EGFR: variants seen among roughly 807,000 people sequenced by gnomAD.
The protein encoded by EGFR is epidermal growth factor receptor, also known as avian erythroblastic leukemia viral (v-erb-b) oncogene homolog.
EGFR carries 58 observed loss-of-function variants against 143.0 expected under a neutral mutation model. That is an observed-to-expected ratio of 0.41 (90% CI 0.33 to 0.50). The LOEUF is 0.50. EGFR is among the 20% of genes least tolerant of loss of function. The pLI, the probability that EGFR is intolerant of heterozygous loss-of-function variation, is 0.39. For synonymous variants in EGFR, 613 were observed against 594.4 expected (o/e 1.03, Z -0.45); for missense variants, 1,307 against 1,579.0 (o/e 0.83, Z 2.92).
At chr7:55,167,799 CA>C (rs1364715658) in intron 15 of EGFR, among the ~76,000 whole-genome samples, 1 of 152,076 alleles carries the variant, frequency 6.6e-6, no homozygotes, top group African/African-American at 2.4e-5. Context: ...ATATAATCTC[CA>C]ACAGTGATAT....
At chr7:55,091,673 T>A (rs914920418) in intron 1 of EGFR, among the ~76,000 whole-genome samples, 1 of 152,278 alleles carries the variant, frequency 6.6e-6, no homozygotes, top group Non-Finnish European at 1.5e-5. Flanking sequence ...AATCTGGTCC[T>A]GACTAGTGGC....
At chr7:55,192,625 G>T (rs1787448145) in intron 21 of EGFR, 141 bp from the exon 22 acceptor site, 5 of 755,052 alleles carry the variant, frequency 6.6e-6, no homozygotes, top group Non-Finnish European at 1.2e-5. Context: ...CCGGGAGGAG[G>T]CGCCGGGCCT....
Position 55,022,413 on chromosome 7 carries a change from C to G in EGFR, c.88+3048C>G, listed in dbSNP as rs552028795. The stretch of plus-strand genomic sequence containing the variant: ...GTATCCAAAGTGAGATCTACCCCAC[C>G]CTCCCTCCTCAAAGGAGGTCAGATC... On this transcript the variant is annotated intron_variant, in intron 1 of 27. Transcript: ENST00000275493. Among the ~76,000 whole-genome samples, 25 of 152,230 alleles carry G rather than the reference C, an allele frequency of 1.6e-4. 1 individual carries two copies. The South Asian group carries it at 4.8e-3, about 29-fold the overall frequency.
intron 1 of EGFR, among the ~76,000 whole-genome samples, chr7:55,105,251 A>T (rs1302221598): frequency 1.3e-5 from 2 of 152,224 alleles, no homozygotes; most frequent in Non-Finnish European, 2.9e-5. Flanking sequence ...AATATACCAC[A>T]TACCTTTTGG....
At chr7:55,104,855 A>T (rs993359197) in intron 1 of EGFR, among the ~76,000 whole-genome samples, 2 of 152,194 alleles carry the variant, frequency 1.3e-5, no homozygotes, top group Non-Finnish European at 2.9e-5. Context: ...AGGAAAAGTG[A>T]TTTATAGTCA....
intron 19 of EGFR, chr7:55,179,792 T>C (rs1786775903): frequency 6.6e-6 from 1 of 152,244 alleles, no homozygotes; most frequent in African/African-American, 2.4e-5. Flanking sequence ...TTCTTGTCAT[T>C]ATTCCCTAAA....
chr7:55,098,269 T>C lies in EGFR; in HGVS notation c.89-44017T>C, dbSNP rs1428994584. Among the ~76,000 whole-genome samples the C allele has an allele frequency of 2.0e-5, 3 of 152,172 alleles. No individual in the cohort carries two copies. The East Asian group carries it at 5.8e-4, about 29-fold the overall frequency. On this transcript the variant is annotated intron_variant, in intron 1 of 27. Transcript: ENST00000275493. ...AGCCTGTGTTTCTCCAAATAACTAA[T>C]TTGCAGCCTTCGGCAGCCAGGACTG... is the stretch of plus-strand genomic sequence containing the variant.
chr7:55,064,027 T>C (rs1055045151), intron 1 of EGFR, among the ~76,000 whole-genome samples: 3 of 85,426 alleles, frequency 3.5e-5, no homozygotes, highest in Non-Finnish European at 8.1e-5. Context: ...CATAATAGAT[T>C]TTTTTTAAGC....
chr7:55,173,143 T>C lies in EGFR; in HGVS notation c.2061+19T>C. The stretch of plus-strand genomic sequence containing the variant: ...GAGGGAGGTGAGTGCCAGTCCTGGG[T>C]GGGCTCAGGAGCCCTCGCACCCCGA... On this transcript the variant is annotated intron_variant, in intron 17 of 27. Coordinates refer to ENST00000275493, the MANE Select transcript of EGFR (RefSeq NM_005228.5). 6.2e-7 allele frequency: 1 copy of C among 1,607,404 alleles called. No homozygotes were observed. Among genetic ancestry groups the C allele is most frequent in the Non-Finnish European group, 8.5e-7 (1 of 1,179,774 alleles).
In EGFR at chr7:55,210,823, A is replaced by G. The variant is rs138962448; in HGVS notation, c.*5206A>G. 1 of 152,360 alleles carries G rather than the reference A, an allele frequency of 6.6e-6. No individual in the cohort carries two copies. Among genetic ancestry groups the G allele is most frequent in the African/African-American group, 2.4e-5 (1 of 41,590 alleles). The allele number at this position is 152,360 out of a possible 1,614,324, so 9.4% of individuals were successfully genotyped here. A position where few individuals can be genotyped will look rare whatever the true frequency, so the allele number is the denominator to read the frequency against. ...ATAAAATATAATATTCTTGCTGCTT[A>G]TGCAGCTGACATTGTTGCCCTCCCT... On this transcript the variant is annotated 3_prime_UTR_variant, in exon 28 of 28. Transcript: ENST00000275493.
chr7:55,025,690 C>T (rs1034952644), intron 1 of EGFR, among the ~76,000 whole-genome samples: 2 of 152,182 alleles, frequency 1.3e-5, no homozygotes, highest in Non-Finnish European at 2.9e-5. Flanking sequence ...ACAAGTTCTC[C>T]TCTCACAGTT....
chr7:55,160,264 T>C lies in EGFR; in HGVS notation c.1424T>C (p.Ile475Thr), dbSNP rs2128941593. The C allele has an allele frequency of 1.9e-6, 3 of 1,614,010 alleles. No individual in the cohort carries two copies. Among genetic ancestry groups the C allele is most frequent in the Non-Finnish European group, 2.5e-6 (3 of 1,179,970 alleles). ...AAAAATTTGTGCTATGCAAATACAA[T>C]AAACTGGAAAAAACTGTTTGGGACC... ...GNKNLCYANT[I>T]NWKKLFGTSG... Residue 475 changes from isoleucine (I) to threonine (T), a missense_variant, in exon 12 of 28, where the codon ATA becomes ACA. Coordinates refer to ENST00000275493, the MANE Select transcript of EGFR (RefSeq NM_005228.5).
In EGFR at chr7:55,165,161, T is replaced by G. The variant is rs190600157; in HGVS notation, c.1723-119T>G. On this transcript the variant is annotated intron_variant, in intron 14 of 27. Coordinates refer to ENST00000275493, the MANE Select transcript of EGFR (RefSeq NM_005228.5). ...TAACTGGTTTTCTCCTTTAAGAATTTTTCTATCATTTGGCTTTCCCCACTC... is the reference window on the plus strand; with the variant it reads ...TAACTGGTTTTCTCCTTTAAGAATTGTTCTATCATTTGGCTTTCCCCACTC... The G allele has an allele frequency of 1.4e-5, 20 of 1,428,502 alleles. No homozygotes were observed. In the East Asian group the frequency reaches 4.6e-4, roughly 33 times the overall value. 88.5% of individuals were successfully genotyped at this position (1,428,502 alleles called of 1,614,324 possible). A position where few individuals can be genotyped will look rare whatever the true frequency, so the allele number is the denominator to read the frequency against.
rs2128942981 is a variant in EGFR at position 55,161,598 on chromosome 7, G to T, written c.1598G>T (p.Arg533Met). 6.2e-7 allele frequency: 1 copy of T among 1,614,274 alleles called. No individual in the cohort carries two copies. Among genetic ancestry groups the T allele is most frequent in the Non-Finnish European group, 8.5e-7 (1 of 1,180,044 alleles). ...CVSCRNVSRG[R>M]ECVDKCNLLE... is the part of the protein sequence containing the mutation. ...TCTTGCCGGAATGTCAGCCGAGGCA[G>T]GGAATGCGTGGACAAGTGCAACCTT... The change falls in exon 13 of 28, where the codon AGG becomes ATG. Residue 533 changes from arginine to methionine, a missense_variant. Physicochemically the swap from Arg to Met is moderately conservative, Grantham distance 91. Transcript: ENST00000275493.
At chr7:55,123,631 C>T (rs929817045) in intron 1 of EGFR, among the ~76,000 whole-genome samples, 1 of 151,984 alleles carries the variant, frequency 6.6e-6, no homozygotes, top group African/African-American at 2.4e-5. Flanking sequence ...TATCATATGC[C>T]TTATTGCATG....
At chr7:55,115,448 CA>C (rs2128910188) in intron 1 of EGFR, among the ~76,000 whole-genome samples, 1 of 152,268 alleles carries the variant, frequency 6.6e-6, no homozygotes, top group Admixed American at 6.5e-5. Flanking sequence ...TTCGTTTTAA[CA>C]TATATTTATT....
chr7:55,121,144 C>T (rs1314925761), intron 1 of EGFR, among the ~76,000 whole-genome samples: 1 of 152,200 alleles, frequency 6.6e-6, no homozygotes, highest in African/African-American at 2.4e-5. Flanking sequence ...AGCATGAAAA[C>T]AAGAGCTCCT....
chr7:55,154,998 C>G (rs1402082021), intron 7 of EGFR, among the ~76,000 whole-genome samples: 2 of 152,032 alleles, frequency 1.3e-5, no homozygotes, highest in African/African-American at 4.8e-5. Flanking sequence ...AGTGATGACA[C>G]AGATATATCT....
chr7:55,201,814 A>G, intron 26 of EGFR, 32 bp downstream of exon 26: 2 of 1,608,110 alleles, frequency 1.2e-6, no homozygotes, highest in Non-Finnish European at 1.7e-6. Context: ...GCCAGAATTT[A>G]CAGCTCTCCA....
Sources: gnomAD v4.1 joint callset for allele counts (sites outside exome capture counted in the v4.1 genomes callset) on GRCh38, gnomAD v4.1.1 for gene constraint, MANE v1.5 for transcripts, NCBI Gene and HGNC (gene_info 2026-07-23, HGNC 2026-07-21) for gene names.